Variants in RYR2 observed in about 807,000 individuals in gnomAD.
RYR2 encodes the protein cardiac muscle ryanodine receptor-calcium release channel.
RYR2 carries 227 observed loss-of-function variants against 601.1 expected under a neutral mutation model. The ratio of observed to expected loss-of-function variants is 0.38; its 90% CI spans 0.34 to 0.42. RYR2 has a LOEUF of 0.42. Among genes scored for constraint, RYR2 ranks in the 10% least tolerant of loss-of-function variants. The probability of loss-of-function intolerance (pLI) is 1.00; values close to 1 mark genes in which losing one functional copy is unlikely to be tolerated. For missense variants in RYR2, 4,646 were observed against 6,156.5 expected, an observed-to-expected ratio of 0.75 and a Z score of 8.21; for synonymous variants, 2,223 against 2,175.1, an observed-to-expected ratio of 1.02 and a Z score of -0.61.
chr1:237,061,276 C>CATCTATCTATCT (rs55852744), intron 1 of RYR2, among the ~76,000 whole-genome samples: 9 of 98,718 alleles, frequency 9.1e-5, no homozygotes, highest in East Asian at 3.2e-4. Flanking sequence ...ATCCATCTAT[C>CATCTATCTATCT]ATCTATCTAT....
intron 44 of RYR2, among the ~76,000 whole-genome samples, chr1:237,635,621 G>A (rs966900211): frequency 6.6e-6 from 1 of 151,890 alleles, no homozygotes; most frequent in African/African-American, 2.4e-5. Flanking sequence ...TTGCTCACCT[G>A]GCATCTGTTC....
At chr1:237,130,362 A>G (rs1481373995) in intron 1 of RYR2, among the ~76,000 whole-genome samples, 4 of 152,178 alleles carry the variant, frequency 2.6e-5, no homozygotes, top group African/African-American at 9.7e-5. Context: ...CTAGGAAAAG[A>G]GTGAACTGAA....
At chr1:237,463,134 G>A (rs1274498230) in intron 16 of RYR2, among the ~76,000 whole-genome samples, 3 of 152,024 alleles carry the variant, frequency 2.0e-5, no homozygotes, top group Admixed American at 6.6e-5. Context: ...GCATCTACTT[G>A]TTAATCTCAA....
chr1:237,300,296 A>G, intron 2 of RYR2, among the ~76,000 whole-genome samples: 1 of 152,162 alleles, frequency 6.6e-6, no homozygotes, highest in East Asian at 1.9e-4. Context: ...CAGGCCTGCT[A>G]GAAGTTCTCT....
At chr1:237,381,801 A>G (rs527696907) in intron 8 of RYR2, among the ~76,000 whole-genome samples, 1 of 152,294 alleles carries the variant, frequency 6.6e-6, no homozygotes, top group South Asian at 2.1e-4. Context: ...AGCTCTAAAA[A>G]TGGTTGTAAA....
intron 20 of RYR2, among the ~76,000 whole-genome samples, chr1:237,497,355 G>T (rs1001967016): frequency 6.6e-6 from 1 of 152,138 alleles, no homozygotes; most frequent in African/African-American, 2.4e-5. Flanking sequence ...TTTGATGGTT[G>T]AGTATATATT....
rs747622318 is a variant in RYR2 at position 237,784,781 on chromosome 1, G to A, written c.13069G>A (p.Ala4357Thr). The change falls in exon 90 of 105, where the codon GCC becomes ACC. Residue 4357 changes from alanine to threonine, a missense_variant. Coordinates refer to ENST00000366574, the MANE Select transcript of RYR2 (RefSeq NM_001035.3). This position sits in a 1 kb window ranked among gnomAD's most constrained non-coding sequence, Gnocchi z 7.1. ...EEGERKPLEA[A>T]LPSEDLTDLK... ...GGGAGAGAGGAAACCCCTGGAAGCC[G>A]CCCTGCCCTCCGAGGATCTGACCGA... 9.9e-5 allele frequency: 160 copies of A among 1,608,582 alleles called. 2 individuals are homozygous for A. In the South Asian group the frequency reaches 1.4e-3, roughly 14 times the overall value.
At chr1:237,066,074 C>T (rs1282542344) in intron 1 of RYR2, among the ~76,000 whole-genome samples, 1 of 152,180 alleles carries the variant, frequency 6.6e-6, no homozygotes, top group Non-Finnish European at 1.5e-5. Flanking sequence ...CAGATCCAAC[C>T]ATATCAGTAA....
intron 4 of RYR2, among the ~76,000 whole-genome samples, chr1:237,363,700 A>G (rs986914536): frequency 3.9e-5 from 6 of 152,130 alleles, no homozygotes; most frequent in African/African-American, 1.2e-4. Context: ...GTAAATTTGC[A>G]TATGCACACA....
intron 21 of RYR2, among the ~76,000 whole-genome samples, chr1:237,501,191 G>A (rs576329023): frequency 7.5e-6 from 1 of 132,740 alleles, no homozygotes; most frequent in East Asian, 2.1e-4. Context: ...TTTTTTTTTA[G>A]TTCATTTATT....
Position 237,576,702 on chromosome 1 carries a change from A to G in RYR2, c.3598+7383A>G, listed in dbSNP as rs1367347994. Reference sequence around the variant, plus strand: ...CTGCTTCCTTAAAGGAAGCAGAAAAACAGTCAGGTATTAATGGGGAGAAGC... The same window carrying G: ...CTGCTTCCTTAAAGGAAGCAGAAAAGCAGTCAGGTATTAATGGGGAGAAGC... On this transcript the variant is annotated intron_variant, in intron 29 of 104. Transcript: ENST00000366574. 3.3e-5 allele frequency among the ~76,000 whole-genome samples: 5 copies of G among 152,154 alleles called. No individual in the cohort carries two copies. The East Asian group carries it at 5.8e-4, about 18-fold the overall frequency.
chr1:237,811,288 A>G (rs73103996), intron 100 of RYR2, among the ~76,000 whole-genome samples: 287 of 152,286 alleles, frequency 1.9e-3, no homozygotes, highest in African/African-American at 6.5e-3. Context: ...CTGAAACTCG[A>G]TGTTACATTT....
intron 63 of RYR2, among the ~76,000 whole-genome samples, chr1:237,690,625 G>A (rs1686856443): frequency 6.6e-6 from 1 of 152,200 alleles, no homozygotes; most frequent in Non-Finnish European, 1.5e-5. Context: ...ACTTTGGGAG[G>A]CCAAGGCGGA....
intron 2 of RYR2, among the ~76,000 whole-genome samples, chr1:237,286,341 T>C (rs936342036): frequency 3.3e-5 from 5 of 152,128 alleles, no homozygotes; most frequent in Non-Finnish European, 5.9e-5. Flanking sequence ...AAGGTTCCTT[T>C]TGGAGTTGAT....
intron 47 of RYR2, among the ~76,000 whole-genome samples, chr1:237,641,501 C>CTTTTTCTTTCT (rs779494269): frequency 1.1e-5 from 1 of 89,790 alleles, no homozygotes; most frequent in Non-Finnish European, 2.4e-5. Context: ...TTCTTTCTTT[C>CTTTTTCTTTCT]TTTCTTTCTT....
chr1:237,558,241 G>C (rs996598700), intron 27 of RYR2, among the ~76,000 whole-genome samples: 1 of 152,276 alleles, frequency 6.6e-6, no homozygotes, highest in South Asian at 2.1e-4. Flanking sequence ...AAAATCAGGA[G>C]GAAGCTGAGG....
intron 1 of RYR2, among the ~76,000 whole-genome samples, chr1:237,236,906 G>A (rs1005670366): frequency 6.6e-6 from 1 of 152,084 alleles, no homozygotes; most frequent in Non-Finnish European, 1.5e-5. Context: ...GTAGTGATAC[G>A]GTTTTGCTCT....
At position 237,830,961 on chromosome 1, in the gene RYR2, G is replaced by A. The variant is rs114024554; in HGVS notation, c.14756+331G>A. 7.2e-3 allele frequency among the ~76,000 whole-genome samples: 1,102 copies of A among 152,174 alleles called. 16 individuals are homozygous for A. The highest frequency in any genetic ancestry group is 0.025 in the African/African-American group (1,049 of 41,528). ...GCTTCCTAGGGAGATGCGAGTCTCCGTTTTTCTTCTTACAGATCTTAAGAG... is the reference window on the plus strand; with the variant it reads ...GCTTCCTAGGGAGATGCGAGTCTCCATTTTTCTTCTTACAGATCTTAAGAG... On this transcript the variant is annotated intron_variant, in intron 103 of 104. Coordinates refer to ENST00000366574, the MANE Select transcript of RYR2 (RefSeq NM_001035.3).
chr1:237,421,154 G>A (rs1303298596), intron 11 of RYR2, among the ~76,000 whole-genome samples: 1 of 152,190 alleles, frequency 6.6e-6, no homozygotes, highest in Non-Finnish European at 1.5e-5. Context: ...CTAGAGAATC[G>A]CTTGAACCCG....
Sources: allele counts gnomAD v4.1 joint callset (sites outside exome capture counted in the v4.1 genomes callset), GRCh38; gene constraint gnomAD v4.1.1; non-coding constraint Gnocchi (gnomAD v3.1); transcripts MANE v1.5; gene names NCBI Gene and HGNC (gene_info 2026-07-23, HGNC 2026-07-21).